MAD1L1: variants seen among roughly 807,000 people sequenced by gnomAD.
MAD1L1 encodes mitotic arrest deficient 1 like 1.
MAD1L1 carries 95 observed loss-of-function variants against 96.9 expected under a neutral mutation model. The observed-to-expected ratio is 0.98, with a 90% CI of 0.83 to 1.16. The LOEUF (loss-of-function observed/expected upper bound fraction) is 1.16, where lower values mean the gene tolerates loss of function less well. Among genes scored for constraint, MAD1L1 ranks in the 50% most tolerant of loss-of-function variants. The pLI is 0.00. For missense variants in MAD1L1, 1,007 were observed against 954.4 expected (o/e 1.06, Z -0.73); for synonymous variants, 473 against 396.6 (o/e 1.19, Z -2.29).
At chr7:2,106,742 A>T (rs1256857186) in intron 11 of MAD1L1, among the ~76,000 whole-genome samples, 1 of 152,192 alleles carries the variant, frequency 6.6e-6, no homozygotes, top group African/African-American at 2.4e-5. Flanking sequence ...CTGAGAGAGG[A>T]AAGTCACCAT....
At chr7:2,009,792 G>T (rs1782208545) in intron 13 of MAD1L1, among the ~76,000 whole-genome samples, 1 of 152,212 alleles carries the variant, frequency 6.6e-6, no homozygotes, top group Non-Finnish European at 1.5e-5. Flanking sequence ...GACAGAGCCT[G>T]CCCTGGGCTT....
chr7:1,844,782 G>A (rs1783496414), intron 18 of MAD1L1, among the ~76,000 whole-genome samples: 1 of 152,236 alleles, frequency 6.6e-6, no homozygotes, highest in Admixed American at 6.5e-5. Context: ...CTGCAGGGGT[G>A]GAGGGGCGCG....
intron 18 of MAD1L1, among the ~76,000 whole-genome samples, chr7:1,837,916 C>A (rs767961538): frequency 8.5e-5 from 13 of 152,214 alleles, no homozygotes; most frequent in Admixed American, 8.5e-4. Context: ...AACAGGGAAG[C>A]CCTGGCAGGA....
In MAD1L1 at chr7:2,216,172, T is replaced by C; in HGVS notation, c.794A>G (p.Glu265Gly). The C allele has an allele frequency of 6.2e-7, 1 of 1,613,288 alleles. No homozygotes were observed. The highest frequency in any genetic ancestry group is 8.5e-7 in the Non-Finnish European group (1 of 1,179,940). ...AACCCCTCACCGCAGGTGCGCGCTC[T>C]CCTCCCGCAGCTGCTTCAGCTCCCG... Reference protein sequence around the residue: ...LERELKQLREESAHLREMRET... With the variant: ...LERELKQLREGSAHLREMRET... Residue 265 changes from glutamate (E) to glycine (G), a missense_variant, in exon 8 of 19, where the codon GAG (glutamate) becomes GGG (glycine). Glu to Gly is a moderately conservative substitution (Grantham distance 98). Transcript: ENST00000265854.
At chr7:1,929,268 A>C (rs1278677476) in intron 17 of MAD1L1, among the ~76,000 whole-genome samples, 1 of 151,222 alleles carries the variant, frequency 6.6e-6, no homozygotes, top group Non-Finnish European at 1.5e-5. Flanking sequence ...CCCCAAAGAC[A>C]CCTCTAGGAT....
chr7:2,159,332 G>A (rs1235484703), intron 10 of MAD1L1, among the ~76,000 whole-genome samples: 10 of 152,182 alleles, frequency 6.6e-5, no homozygotes, highest in Non-Finnish European at 4.4e-5. Flanking sequence ...TCCCACCTCA[G>A]GTCCTCTGCA....
At chr7:1,889,278 C>T (rs571349478) in intron 18 of MAD1L1, among the ~76,000 whole-genome samples, 3 of 152,360 alleles carry the variant, frequency 2.0e-5, no homozygotes, top group Non-Finnish European at 2.9e-5. Context: ...GCAGTGACAC[C>T]GCCAAAGACC....
chr7:1,856,583 G>A (rs1784265189), intron 18 of MAD1L1, among the ~76,000 whole-genome samples: 1 of 152,256 alleles, frequency 6.6e-6, no homozygotes, highest in Non-Finnish European at 1.5e-5. Context: ...TGTATCCGCT[G>A]CGTGCTGTGT....
intron 11 of MAD1L1, among the ~76,000 whole-genome samples, chr7:2,122,239 C>T (rs577671819): frequency 4.6e-5 from 7 of 152,324 alleles, no homozygotes; most frequent in East Asian, 1.9e-4. Flanking sequence ...TCAGACTGCC[C>T]GCGTCAGACC....
At chr7:2,176,091 TA>T (rs1482712577) in intron 10 of MAD1L1, among the ~76,000 whole-genome samples, 2 of 152,250 alleles carry the variant, frequency 1.3e-5, no homozygotes, top group Non-Finnish European at 2.9e-5. Flanking sequence ...CTCACACCTG[TA>T]ATCTCAGCAC....
intron 11 of MAD1L1, among the ~76,000 whole-genome samples, chr7:2,130,163 C>T (rs1336389750): frequency 2.0e-5 from 3 of 152,256 alleles, no homozygotes; most frequent in Non-Finnish European, 1.5e-5. Context: ...GCCCTGCCTT[C>T]GGCCCGCAGC....
chr7:2,113,221 C>T (rs60968700), intron 11 of MAD1L1, among the ~76,000 whole-genome samples: 4,772 of 152,266 alleles, frequency 0.031, 149 homozygotes, highest in East Asian at 0.088. Flanking sequence ...CGCCCTGGGG[C>T]CATGGTGACA....
At chr7:1,876,289 C>T (rs1785383948) in intron 18 of MAD1L1, among the ~76,000 whole-genome samples, 1 of 152,134 alleles carries the variant, frequency 6.6e-6, no homozygotes, top group Admixed American at 6.5e-5. Flanking sequence ...AAGGGCCTCA[C>T]GTGGTCAACT....
chr7:1,825,998 C>T (rs1037341046), intron 18 of MAD1L1, among the ~76,000 whole-genome samples: 1 of 152,202 alleles, frequency 6.6e-6, no homozygotes, highest in Non-Finnish European at 1.5e-5. Context: ...AGCTTGGCTT[C>T]ATGACCTCGG....
intron 12 of MAD1L1, among the ~76,000 whole-genome samples, chr7:2,055,205 T>C (rs1307218721): frequency 6.6e-6 from 1 of 151,000 alleles, no homozygotes; most frequent in African/African-American, 2.4e-5. Context: ...AAGCAGGGAG[T>C]GAATGAGCAC....
chr7:1,923,438 C>T (rs1562527601), intron 17 of MAD1L1, among the ~76,000 whole-genome samples: 2 of 152,218 alleles, frequency 1.3e-5, no homozygotes, highest in Non-Finnish European at 2.9e-5. Context: ...CAATCCTGCG[C>T]TCTTCCGCCC....
intron 12 of MAD1L1, among the ~76,000 whole-genome samples, chr7:2,045,065 G>A (rs939295191): frequency 2.6e-5 from 4 of 152,194 alleles, no homozygotes; most frequent in African/African-American, 7.2e-5. Flanking sequence ...GGCAAGCCCC[G>A]GCCTCTGATC....
At chr7:1,983,747 C>T (rs1430719969) in intron 14 of MAD1L1, among the ~76,000 whole-genome samples, 2 of 152,240 alleles carry the variant, frequency 1.3e-5, no homozygotes, top group African/African-American at 2.4e-5. Context: ...TGAAAGCTCT[C>T]GCATGCTCCT....
intron 18 of MAD1L1, among the ~76,000 whole-genome samples, chr7:1,885,963 CCAG>C (rs1362080349): frequency 6.6e-6 from 1 of 152,256 alleles, no homozygotes; most frequent in Non-Finnish European, 1.5e-5. Flanking sequence ...TTCTATGCCC[CCAG>C]CAGCAGCTCT....
Sources: gnomAD v4.1 joint callset for allele counts (sites outside exome capture counted in the v4.1 genomes callset) on GRCh38, gnomAD v4.1.1 for gene constraint, MANE v1.5 for transcripts, NCBI Gene and HGNC (gene_info 2026-07-23, HGNC 2026-07-21) for gene names.